TLCD2: variants seen among roughly 807,000 people sequenced by gnomAD.
The protein encoded by TLCD2 is TLC domain containing 2.
A neutral mutation model predicts 14.0 loss-of-function variants in TLCD2; 12 were observed. That is an observed-to-expected ratio of 0.86 (90% CI 0.55 to 1.39). The LOEUF is 1.39. Ranked by LOEUF, TLCD2 falls within the 40% of genes most tolerant of loss-of-function variation. TLCD2 has a pLI of 0.00. For missense variants in TLCD2, 360 were observed against 346.8 expected (o/e 1.04, Z -0.30); for synonymous variants, 166 against 156.5 (o/e 1.06, Z -0.45).
chr17:1,709,170 C>G (rs1168689506), intron 3 of TLCD2, among the ~76,000 whole-genome samples: 1 of 152,046 alleles, frequency 6.6e-6, no homozygotes, highest in Non-Finnish European at 1.5e-5. Flanking sequence ...GGGCGGATCA[C>G]CTGAGGTCAG....
chr17:1,709,858 C>A lies in TLCD2; in HGVS notation c.205G>T (p.Asp69Tyr). Reference protein sequence around the residue: ...GLSLYPQMAADPIHGHPRWAL... With the variant: ...GLSLYPQMAAYPIHGHPRWAL... ...CAGCGCGGGTGGCCATGGATGGGGTCGGCGGCCATCTGAGGGTACAGTGAC... is the reference window on the plus strand; with the variant it reads ...CAGCGCGGGTGGCCATGGATGGGGTAGGCGGCCATCTGAGGGTACAGTGAC... The change falls in exon 2 of 4, where the codon GAC (aspartate) becomes TAC (tyrosine). Residue 69 changes from aspartate (D) to tyrosine (Y), a missense_variant. Coordinates refer to ENST00000330676, the MANE Select transcript of TLCD2 (RefSeq NM_001164407.2). The A allele has an allele frequency of 6.5e-7, 1 of 1,531,662 alleles. No individual in the cohort carries two copies. Among genetic ancestry groups the A allele is most frequent in the Non-Finnish European group, 8.7e-7 (1 of 1,143,780 alleles). The allele number at this position is 1,531,662 out of a possible 1,614,324, so 94.9% of individuals were successfully genotyped here.
At position 1,707,658 on chromosome 17, in the gene TLCD2, G is replaced by T; in HGVS notation, c.*112C>A. 1.2e-6 allele frequency: 1 copy of T among 814,754 alleles called. No individual in the cohort carries two copies. The highest frequency in any genetic ancestry group is 1.8e-6 in the Non-Finnish European group (1 of 551,952). 50.5% of individuals were successfully genotyped at this position (814,754 alleles called of 1,614,324 possible). On this transcript the variant is annotated 3_prime_UTR_variant, in exon 4 of 4. Transcript: ENST00000330676. ...ATGTGAGTTAGCTGGAAGAGAAACT[G>T]AGATTCTGATGAGCAAGTCTGGCCC...
chr17:1,709,839 G>C lies in TLCD2; in HGVS notation c.224C>G (p.Pro75Arg). 2.0e-6 allele frequency: 3 copies of C among 1,535,180 alleles called. No homozygotes were observed. Among genetic ancestry groups the C allele is most frequent in the East Asian group, 2.4e-5 (1 of 40,914 alleles). The change falls in exon 2 of 4, where the codon CCG becomes CGG. Residue 75 changes from proline to arginine, a missense_variant. Transcript: ENST00000330676. ...AGCCACCAGCACCAGAGCCCAGCGC[G>C]GGTGGCCATGGATGGGGTCGGCGGC... Reference protein sequence around the residue: ...QMAADPIHGHPRWALVLVAVS... With the variant: ...QMAADPIHGHRRWALVLVAVS...
At position 1,707,979 on chromosome 17, in the gene TLCD2, G is replaced by A. The variant is rs750807867; in HGVS notation, c.586C>T (p.Pro196Ser). 17 of 1,537,148 alleles carry A rather than the reference G, an allele frequency of 1.1e-5. No homozygotes were observed. The African/African-American group carries it at 2.2e-4, about 20-fold the overall frequency. Residue 196 changes from proline (P) to serine (S), a missense_variant, in exon 4 of 4, where the codon CCT becomes TCT. By Grantham distance (74) the Pro-to-Ser change is moderately conservative. Coordinates refer to ENST00000330676, the MANE Select transcript of TLCD2 (RefSeq NM_001164407.2). ...CCACCCAGGGTGACCAGAGCAAGAGGAACCTGGTGGTGCTGCCGGAACAGC... is the reference window on the plus strand; with the variant it reads ...CCACCCAGGGTGACCAGAGCAAGAGAAACCTGGTGGTGCTGCCGGAACAGC... ...LWLFRQHHQVPLALVTLGGIG... is the reference protein window; with the variant it reads ...LWLFRQHHQVSLALVTLGGIG...
rs1913974084 is a variant in TLCD2 at position 1,704,642 on chromosome 17, A to C, written c.*3128T>G. 6.7e-6 allele frequency: 1 copy of C among 148,768 alleles called. No homozygotes were observed. Among genetic ancestry groups the C allele is most frequent in the Non-Finnish European group, 1.5e-5 (1 of 67,208 alleles). The allele number at this position is 148,768 out of a possible 1,614,324, so 9.2% of individuals were successfully genotyped here. ...TCACAATCCCTCTCATTTTTTTTTC[A>C]CACCTGTATTTTTCCTCCTCTTTTC... On this transcript the variant is annotated 3_prime_UTR_variant, in exon 4 of 4. Transcript: ENST00000330676.
At position 1,705,625 on chromosome 17, in the gene TLCD2, A is replaced by G. The variant is rs1914007022; in HGVS notation, c.*2145T>C. On this transcript the variant is annotated 3_prime_UTR_variant, in exon 4 of 4. Coordinates refer to ENST00000330676, the MANE Select transcript of TLCD2 (RefSeq NM_001164407.2). ...TGCCTCTGTCACCTCTATGTGAATA[A>G]TCCTTCTCTCTTTCTATCTATCACT... 1 of 152,072 alleles carries G rather than the reference A, an allele frequency of 6.6e-6. No homozygotes were observed. The highest frequency in any genetic ancestry group is 2.1e-4 in the South Asian group (1 of 4,810). The allele number at this position is 152,072 out of a possible 1,614,324, so 9.4% of individuals were successfully genotyped here. A position where few individuals can be genotyped will look rare whatever the true frequency, so the allele number is the denominator to read the frequency against.
rs1473652533 is a variant in TLCD2 at position 1,707,874 on chromosome 17, G to A, written c.691C>T (p.Pro231Ser). The change falls in exon 4 of 4, where the codon CCC becomes TCC. Residue 231 changes from proline to serine, a missense_variant. Transcript: ENST00000330676. ...TCATGGCCAGGGCTGGGTGGATGGG[G>A]TCGAGACTGTAGGACATCATTGACC... Reference protein sequence around the residue: ...ILVNDVLQSRPHPPSPGHEKT... With the variant: ...ILVNDVLQSRSHPPSPGHEKT... 1.3e-6 allele frequency: 2 copies of A among 1,537,260 alleles called. No homozygotes were observed. Among genetic ancestry groups the A allele is most frequent in the Non-Finnish European group, 1.7e-6 (2 of 1,146,912 alleles).
At position 1,706,139 on chromosome 17, in the gene TLCD2, T is replaced by C. The variant is rs1043236995; in HGVS notation, c.*1631A>G. 2 of 152,142 alleles carry C rather than the reference T, an allele frequency of 1.3e-5. No individual in the cohort carries two copies. Among genetic ancestry groups the C allele is most frequent in the African/African-American group, 4.8e-5 (2 of 41,414 alleles). The allele number at this position is 152,142 out of a possible 1,614,324, so 9.4% of individuals were successfully genotyped here. ...ACAGGCATGCACCACCATGCCCGGC[T>C]AATTTTGTATTTTTAGTAGAGACAG... On this transcript the variant is annotated 3_prime_UTR_variant, in exon 4 of 4. Coordinates refer to ENST00000330676, the MANE Select transcript of TLCD2 (RefSeq NM_001164407.2).
In TLCD2 at chr17:1,710,226, A is replaced by G. The variant is rs1212436500; in HGVS notation, c.17T>C (p.Leu6Pro). The G allele has an allele frequency of 2.0e-6, 3 of 1,524,674 alleles. No individual in the cohort carries two copies. Among genetic ancestry groups the G allele is most frequent in the South Asian group, 2.4e-5 (2 of 83,166 alleles). 94.4% of individuals were successfully genotyped at this position (1,524,674 alleles called of 1,614,324 possible). A position where few individuals can be genotyped will look rare whatever the true frequency, so the allele number is the denominator to read the frequency against. MAPTG[L>P]LVAGASFLAF... is the part of the protein sequence containing the mutation. The stretch of plus-strand genomic sequence containing the variant: ...GAGGAAGGAGGCGCCGGCCACCAGG[A>G]GCCCCGTGGGCGCCATGGCCTGGCG... Residue 6 changes from leucine (L) to proline (P), a missense_variant, in exon 1 of 4, where the codon CTC (leucine) becomes CCC (proline). Transcript: ENST00000330676. The surrounding 1 kb of genome is among the most constrained non-coding windows in gnomAD (Gnocchi z 6.1).
Position 1,709,999 on chromosome 17 carries a change from G to T in TLCD2, c.176+68C>A, listed in dbSNP as rs1482174852. ...AGTCTCAGCTCTGGAGACGCCCGGC[G>T]GGTCTCCCGGCCTCAGCCTCCCACC... is the stretch of plus-strand genomic sequence containing the variant. On this transcript the variant is annotated intron_variant, in intron 1 of 3. Transcript: ENST00000330676. 2.6e-6 allele frequency: 4 copies of T among 1,514,650 alleles called. No individual in the cohort carries two copies. In the African/African-American group the frequency reaches 4.1e-5, roughly 16 times the overall value. 93.8% of individuals were successfully genotyped at this position (1,514,650 alleles called of 1,614,324 possible).
rs529013395 is a variant in TLCD2 at position 1,710,259 on chromosome 17, G to C, written c.-17C>G. The C allele has an allele frequency of 1.3e-6, 2 of 1,508,496 alleles. No homozygotes were observed. Among genetic ancestry groups the C allele is most frequent in the South Asian group, 1.2e-5 (1 of 81,198 alleles). The allele number at this position is 1,508,496 out of a possible 1,614,324, so 93.4% of individuals were successfully genotyped here. A position where few individuals can be genotyped will look rare whatever the true frequency, so the allele number is the denominator to read the frequency against. On this transcript the variant is annotated 5_prime_UTR_variant, in exon 1 of 4. Coordinates refer to ENST00000330676, the MANE Select transcript of TLCD2 (RefSeq NM_001164407.2). This position sits in a 1 kb window ranked among gnomAD's most constrained non-coding sequence, Gnocchi z 6.1. Reference sequence around the variant, plus strand: ...GGGCGCCATGGCCTGGCGGTTGGGGGGTTGCGGGGAGTCCGGGTCGGTCCC... The same window carrying C: ...GGGCGCCATGGCCTGGCGGTTGGGGCGTTGCGGGGAGTCCGGGTCGGTCCC...
chr17:1,708,005 C>T lies in TLCD2; in HGVS notation c.560G>A (p.Trp187Ter), dbSNP rs1368666969. Residue 187 changes from tryptophan (W) to a stop codon, truncating the protein, a stop_gained, in exon 4 of 4, where the codon TGG becomes TAG. Transcript: ENST00000330676. LOFTEE classifies it low-confidence loss of function (END_TRUNC). ...AACCTGGTGGTGCTGCCGGAACAGC[C>T]ACAGACTCATCCACCCCAGCGGGAC... ...RLVPLGWMSL[W>*]LFRQHHQVPL... 11 of 1,537,304 alleles carry T rather than the reference C, an allele frequency of 7.2e-6. No homozygotes were observed. Among genetic ancestry groups the T allele is most frequent in the Non-Finnish European group, 4.4e-6 (5 of 1,146,924 alleles).
At position 1,705,298 on chromosome 17, in the gene TLCD2, G is replaced by T. The variant is rs554542901; in HGVS notation, c.*2472C>A. On this transcript the variant is annotated 3_prime_UTR_variant, in exon 4 of 4. Coordinates refer to ENST00000330676, the MANE Select transcript of TLCD2 (RefSeq NM_001164407.2). ...TTCTGCTTCTCAGCTCCCCGGACTC[G>T]TCCCCGCTCTTCTCTGTTCCCACCT... 1 of 152,474 alleles carries T rather than the reference G, an allele frequency of 6.6e-6. No homozygotes were observed. Among genetic ancestry groups the T allele is most frequent in the African/African-American group, 2.4e-5 (1 of 41,470 alleles). The allele number at this position is 152,474 out of a possible 1,614,324, so 9.4% of individuals were successfully genotyped here.
In TLCD2 at chr17:1,707,667, A is replaced by T; in HGVS notation, c.*103T>A. 1 of 877,398 alleles carries T rather than the reference A, an allele frequency of 1.1e-6. No individual in the cohort carries two copies. The highest frequency in any genetic ancestry group is 1.6e-6 in the Non-Finnish European group (1 of 608,430). The allele number at this position is 877,398 out of a possible 1,614,324, so 54.4% of individuals were successfully genotyped here. On this transcript the variant is annotated 3_prime_UTR_variant, in exon 4 of 4. Transcript: ENST00000330676. ...AGCTGGAAGAGAAACTGAGATTCTG[A>T]TGAGCAAGTCTGGCCCTCACCCTGA...
In TLCD2 at chr17:1,707,957, C is replaced by T. The variant is rs1040575048; in HGVS notation, c.608G>A (p.Gly203Asp). 2 of 1,537,172 alleles carry T rather than the reference C, an allele frequency of 1.3e-6. No homozygotes were observed. The highest frequency in any genetic ancestry group is 1.7e-6 in the Non-Finnish European group (2 of 1,146,936). The change falls in exon 4 of 4, where the codon GGT becomes GAT. Residue 203 changes from glycine (G) to aspartate (D), a missense_variant. Physicochemically the swap from Gly to Asp is moderately conservative, Grantham distance 94 (BLOSUM62 -1). Coordinates refer to ENST00000330676, the MANE Select transcript of TLCD2 (RefSeq NM_001164407.2). ...HQVPLALVTLGGIGLVTVGIM... is the reference protein window; with the variant it reads ...HQVPLALVTLDGIGLVTVGIM... ...GCCCACAGTGACCAGCCCAATTCCA[C>T]CCAGGGTGACCAGAGCAAGAGGAAC...
intron 2 of TLCD2, 64 bp from the exon 3 acceptor site, chr17:1,709,645 G>GCC (rs1158762981): frequency 5.1e-6 from 7 of 1,367,598 alleles, no homozygotes; most frequent in Admixed American, 2.0e-5. Flanking sequence ...AGGATTTCCA[G>GCC]CCCCCCCGCC....
rs996232337 is a variant in TLCD2 at position 1,709,831 on chromosome 17, C to T, written c.232G>A (p.Ala78Thr). The T allele has an allele frequency of 1.8e-4, 274 of 1,534,952 alleles. No individual in the cohort carries two copies. Among genetic ancestry groups the T allele is most frequent in the Middle Eastern group, 5.1e-4 (3 of 5,896 alleles). ...ACAGACACAGCCACCAGCACCAGAGCCCAGCGCGGGTGGCCATGGATGGGG... is the reference window on the plus strand; with the variant it reads ...ACAGACACAGCCACCAGCACCAGAGTCCAGCGCGGGTGGCCATGGATGGGG... ...ADPIHGHPRWALVLVAVSVGY... is the reference protein window; with the variant it reads ...ADPIHGHPRWTLVLVAVSVGY... The change falls in exon 2 of 4, where the codon GCT (alanine) becomes ACT (threonine). Residue 78 changes from alanine (A) to threonine (T), a missense_variant. Coordinates refer to ENST00000330676, the MANE Select transcript of TLCD2 (RefSeq NM_001164407.2).
intron 3 of TLCD2, among the ~76,000 whole-genome samples, chr17:1,709,193 A>G (rs993049722): frequency 6.6e-6 from 1 of 152,126 alleles, no homozygotes; most frequent in Non-Finnish European, 1.5e-5. Context: ...GTTCGAGACC[A>G]GCCTGGCCAA....
rs1448988474 is a variant in TLCD2, at chr17:1,710,063, G to A, written c.176+4C>T. On this transcript the variant is annotated splice_donor_region_variant and intron_variant, in intron 1 of 3. Transcript: ENST00000330676. The surrounding 1 kb of genome is among the most constrained non-coding windows in gnomAD (Gnocchi z 6.1). ...CCGTGCGCCTCGAGCCCCCAAGCCC[G>A]CACCCGAGCAGCGCCCCGGTCCCCG... is the stretch of plus-strand genomic sequence containing the variant. 2.6e-6 allele frequency: 4 copies of A among 1,532,346 alleles called. No homozygotes were observed. The highest frequency in any genetic ancestry group is 2.4e-5 in the South Asian group (2 of 83,884). 94.9% of individuals were successfully genotyped at this position (1,532,346 alleles called of 1,614,324 possible).
Sources: allele counts gnomAD v4.1 joint callset (sites outside exome capture counted in the v4.1 genomes callset), GRCh38; gene constraint gnomAD v4.1.1; non-coding constraint Gnocchi (gnomAD v3.1); transcripts MANE v1.5; gene names NCBI Gene and HGNC (gene_info 2026-07-23, HGNC 2026-07-21).